DGKH: variants seen among roughly 807,000 people sequenced by gnomAD.
DGKH encodes the protein DAG kinase eta.
A neutral mutation model predicts 159.3 loss-of-function variants in DGKH; 90 were observed. That is an observed-to-expected ratio of 0.57 (90% CI 0.48 to 0.67). The LOEUF is 0.67. DGKH is among the 30% of genes least tolerant of loss of function. The probability of loss-of-function intolerance (pLI) is 0.00; values close to 1 mark genes in which losing one functional copy is unlikely to be tolerated. For missense variants in DGKH, 1,181 were observed against 1,506.1 expected (o/e 0.78, Z 3.57); for synonymous variants, 536 against 553.8 (o/e 0.97, Z 0.45).
chr13:42,068,501 CGT>C (rs1566084583), intron 1 of DGKH, among the ~76,000 whole-genome samples: 4 of 152,094 alleles, frequency 2.6e-5, no homozygotes, highest in African/African-American at 9.7e-5. Context: ...CTTCTGGTAT[CGT>C]GTGTTTTACG....
intron 1 of DGKH, among the ~76,000 whole-genome samples, chr13:42,051,822 C>T (rs1881338955): frequency 6.6e-6 from 1 of 151,992 alleles, no homozygotes; most frequent in African/African-American, 2.4e-5. Flanking sequence ...TGCGCCACCA[C>T]ACCCAGCTAA....
intron 15 of DGKH, 80 bp downstream of exon 15, chr13:42,189,389 G>T: frequency 6.4e-7 from 1 of 1,551,254 alleles, no homozygotes; most frequent in East Asian, 2.3e-5. Context: ...ATAGTGGTCA[G>T]ATTGGACACA....
chr13:42,188,894 T>C, intron 14 of DGKH, 142 bp from the exon 15 acceptor site: 2 of 921,064 alleles, frequency 2.2e-6, no homozygotes, highest in Non-Finnish European at 3.2e-6. Flanking sequence ...CCAAAACATC[T>C]ACAAAATTAA....
intron 1 of DGKH, chr13:42,070,845 A>C: frequency 7.6e-7 from 1 of 1,311,634 alleles, no homozygotes; most frequent in Non-Finnish European, 1.1e-6. Context: ...TGGGACCAGG[A>C]ATTTCAAACA....
intron 1 of DGKH, among the ~76,000 whole-genome samples, chr13:42,057,593 G>A (rs1881857089): frequency 6.6e-6 from 1 of 152,172 alleles, no homozygotes; most frequent in Admixed American, 6.5e-5. Context: ...CTTCCTGTGT[G>A]CTCCTTCTCA....
chr13:42,219,583 T>C lies in DGKH; in HGVS notation c.3334-103T>C, dbSNP rs967082826. 15 of 1,236,162 alleles carry C rather than the reference T, an allele frequency of 1.2e-5. 1 individual carries two copies. In the South Asian group the frequency reaches 2.3e-4, roughly 19 times the overall value. 76.6% of individuals were successfully genotyped at this position (1,236,162 alleles called of 1,614,324 possible). A position where few individuals can be genotyped will look rare whatever the true frequency, so the allele number is the denominator to read the frequency against. On this transcript the variant is annotated intron_variant, in intron 27 of 29. Coordinates refer to ENST00000337343, the MANE Select transcript of DGKH (RefSeq NM_178009.5). The stretch of plus-strand genomic sequence containing the variant: ...TGAAGAAGTTATCACTGTTCTATAA[T>C]GTTTAGTGTTTATAACTTATTCCTG...
chr13:42,209,206 T>A lies in DGKH; in HGVS notation c.2716-125T>A, dbSNP rs1957577894. ...TGTTGTCATATCAGTTTTTACCATG[T>A]CATTTATAAGTGATAAAGCATAATA... On this transcript the variant is annotated intron_variant, in intron 22 of 29. Transcript: ENST00000337343. The A allele has an allele frequency of 5.7e-6, 8 of 1,400,574 alleles. No individual in the cohort carries two copies. The South Asian group carries it at 1.1e-4, about 20-fold the overall frequency. 86.8% of individuals were successfully genotyped at this position (1,400,574 alleles called of 1,614,324 possible). A position where few individuals can be genotyped will look rare whatever the true frequency, so the allele number is the denominator to read the frequency against.
intron 1 of DGKH, among the ~76,000 whole-genome samples, chr13:42,113,012 C>G (rs945355712): frequency 1.3e-5 from 2 of 152,158 alleles, no homozygotes; most frequent in Non-Finnish European, 2.9e-5. Context: ...TTGTTCGGAT[C>G]ATAGTTGAGT....
chr13:42,159,555 G>C (rs1195954504), intron 6 of DGKH, among the ~76,000 whole-genome samples, 183 bp downstream of exon 6: 1 of 152,052 alleles, frequency 6.6e-6, no homozygotes, highest in Non-Finnish European at 1.5e-5. Context: ...AGATTTTGAA[G>C]GAAATCTGTT....
In DGKH at chr13:42,215,605, G is replaced by A. The variant is rs375464126; in HGVS notation, c.3151G>A (p.Ala1051Thr). The part of the protein sequence containing the change: ...SLTRDTATEI[A>T]INVKALYNET... ...TACAAGAGACACTGCCACTGAAATA[G>A]CCATCAATGTGAAGGCGCTGTATAA... The change falls in exon 26 of 30, where the codon GCC (alanine) becomes ACC (threonine). Residue 1051 changes from alanine (A) to threonine (T), a missense_variant. Around this residue, in one of 5 missense-constraint regions of DGKH, gnomAD observed 335 missense variants for 495.2 expected, o/e 0.68. Transcript: ENST00000337343. 3 of 1,611,026 alleles carry A rather than the reference G, an allele frequency of 1.9e-6. No individual in the cohort carries two copies. Among genetic ancestry groups the A allele is most frequent in the African/African-American group, 1.3e-5 (1 of 74,866 alleles).
upstream of DGKH, among the ~76,000 whole-genome samples, chr13:42,046,688 T>A (rs1302187222): frequency 2.6e-5 from 4 of 152,238 alleles, no homozygotes; most frequent in East Asian, 7.7e-4. Context: ...TTCAGTTTAA[T>A]CACTCGCTGC....
chr13:42,132,880 T>A (rs1955316370), intron 3 of DGKH, among the ~76,000 whole-genome samples: 1 of 152,034 alleles, frequency 6.6e-6, no homozygotes, highest in African/African-American at 2.4e-5. Context: ...AAAAAAAATT[T>A]TTTTTTGGCC....
At position 42,048,901 on chromosome 13, in the gene DGKH, C is replaced by T; in HGVS notation, c.128C>T (p.Ala43Val). Residue 43 changes from alanine to valine, a missense_variant, in exon 1 of 30, where the codon GCG becomes GTG. Around this residue, in one of 5 missense-constraint regions of DGKH, gnomAD observed 136 missense variants for 132.2 expected, o/e 1.03. Transcript: ENST00000337343. This position sits in a 1 kb window ranked among gnomAD's most constrained non-coding sequence, Gnocchi z 6.7. ...GGAGAGGATTCGTCTGACAGCGAAG[C>T]GGAGCAAGAGGGACCCCAGAAACTG... is the stretch of plus-strand genomic sequence containing the variant. Reference protein sequence around the residue: ...GPGEDSSDSEAEQEGPQKLIR... With the variant: ...GPGEDSSDSEVEQEGPQKLIR... The T allele has an allele frequency of 2.2e-6, 3 of 1,372,134 alleles. No individual in the cohort carries two copies. The highest frequency in any genetic ancestry group is 2.0e-5 in the South Asian group (1 of 49,526). 85.0% of individuals were successfully genotyped at this position (1,372,134 alleles called of 1,614,324 possible).
chr13:42,062,668 G>A (rs1034052352), intron 1 of DGKH, among the ~76,000 whole-genome samples: 1 of 152,182 alleles, frequency 6.6e-6, no homozygotes, highest in Non-Finnish European at 1.5e-5. Flanking sequence ...TCCTTATGAT[G>A]TCCTCCCTTG....
intron 29 of DGKH, chr13:42,225,411 AC>A: frequency 8.0e-7 from 1 of 1,243,542 alleles, no homozygotes; most frequent in Non-Finnish European, 1.1e-6. Context: ...TGGAAGGATA[AC>A]TGAATATCTA....
chr13:42,089,409 AAACTTATTGG>A (rs1242160971), intron 1 of DGKH, among the ~76,000 whole-genome samples: 1 of 152,240 alleles, frequency 6.6e-6, no homozygotes, highest in Non-Finnish European at 1.5e-5. Flanking sequence ...AAATGACTGC[AAACTTATTGG>A]CTTAATACAA....
chr13:42,123,482 G>C (rs989831483), intron 1 of DGKH, among the ~76,000 whole-genome samples: 4 of 151,994 alleles, frequency 2.6e-5, no homozygotes, highest in Non-Finnish European at 5.9e-5. Context: ...GAAAAAAATT[G>C]ATAAATAGGA....
At chr13:42,152,634 G>A (rs1206462655) in intron 3 of DGKH, among the ~76,000 whole-genome samples, 2 of 124,016 alleles carry the variant, frequency 1.6e-5, no homozygotes, top group Non-Finnish European at 3.9e-5. Context: ...CAGGGCAGAA[G>A]GGCACAGCTG....
At chr13:42,141,956 A>G (rs1955573836) in intron 3 of DGKH, among the ~76,000 whole-genome samples, 1 of 151,570 alleles carries the variant, frequency 6.6e-6, no homozygotes. Context: ...TGTTTTAGAC[A>G]TGAAGTCCTT....
Sources: allele counts gnomAD v4.1 joint callset (sites outside exome capture counted in the v4.1 genomes callset), GRCh38; gene constraint gnomAD v4.1.1; regional missense constraint gnomAD v4.1.1; non-coding constraint Gnocchi (gnomAD v3.1); transcripts MANE v1.5; gene names NCBI Gene and HGNC (gene_info 2026-07-23, HGNC 2026-07-21).